Variants in CALHM5 observed in about 807,000 individuals in gnomAD.
CALHM5 encodes the protein calcium homeostasis modulator family member 5.
In CALHM5, 17 loss-of-function variants were observed where a neutral mutation model predicts 20.9. That is an observed-to-expected ratio of 0.82 (90% CI 0.56 to 1.22). The LOEUF (loss-of-function observed/expected upper bound fraction) is 1.22, where lower values mean the gene tolerates loss of function less well. Ranked by LOEUF, CALHM5 falls within the 50% of genes most tolerant of loss-of-function variation. The pLI, the probability that CALHM5 is intolerant of heterozygous loss-of-function variation, is 0.00. For missense variants in CALHM5, 360 were observed against 364.6 expected (o/e 0.99, Z 0.10); for synonymous variants, 148 against 140.0 (o/e 1.06, Z -0.40).
At chr6:116,512,401 G>A in intron 1 of CALHM5, 165 bp downstream of exon 1, 1 of 761,242 alleles carries the variant, frequency 1.3e-6, no homozygotes, top group South Asian at 2.2e-5. Flanking sequence ...GCTTTTGAAA[G>A]GCTGGGTGGC....
Position 116,515,866 on chromosome 6 carries a change from T to C in CALHM5, c.807T>C (p.His269=), listed in dbSNP as rs1192310191. Residue 269 remains histidine, a synonymous_variant, in exon 2 of 2, where the codon CAT becomes CAC. Transcript: ENST00000368599. The part of the protein sequence containing the change: ...FAAWEAASEL[H]SFHQSQQHYS... ...CCTGGGAGGCTGCTTCAGAGCTGCA[T>C]TCTTTCCACCAAAGCCAGCAACACT... 1 of 1,613,872 alleles carries C rather than the reference T, an allele frequency of 6.2e-7. No individual in the cohort carries two copies. The highest frequency in any genetic ancestry group is 1.3e-5 in the African/African-American group (1 of 74,904).
At position 116,523,347 on chromosome 6, in the gene CALHM5, G is replaced by T. The variant is rs1417552811; in HGVS notation, c.*7358G>T. Reference sequence around the variant, plus strand: ...TACATGTTTCTTGTAAACTCTATTTGTAGGTGTTTTCTTTGTTCCTGTTGT... The same window carrying T: ...TACATGTTTCTTGTAAACTCTATTTTTAGGTGTTTTCTTTGTTCCTGTTGT... On this transcript the variant is annotated 3_prime_UTR_variant, in exon 2 of 2. Coordinates refer to ENST00000368599, the MANE Select transcript of CALHM5 (RefSeq NM_153711.5). The T allele has an allele frequency of 1.3e-5, 2 of 152,122 alleles. No individual in the cohort carries two copies. The highest frequency in any genetic ancestry group is 2.9e-5 in the Non-Finnish European group (2 of 68,014). 9.4% of individuals were successfully genotyped at this position (152,122 alleles called of 1,614,324 possible). A position where few individuals can be genotyped will look rare whatever the true frequency, so the allele number is the denominator to read the frequency against.
chr6:116,516,157 G>A lies in CALHM5; in HGVS notation c.*168G>A. The A allele has an allele frequency of 2.4e-6, 2 of 848,974 alleles. No individual in the cohort carries two copies. The highest frequency in any genetic ancestry group is 3.7e-4 in the Middle Eastern group (1 of 2,672). 52.6% of individuals were successfully genotyped at this position (848,974 alleles called of 1,614,324 possible). A position where few individuals can be genotyped will look rare whatever the true frequency, so the allele number is the denominator to read the frequency against. ...TTGAAGCTCTCAAGTGGAACATCAGGATGTGCTCAAATTGATGCTGAGGGG... is the reference window on the plus strand; with the variant it reads ...TTGAAGCTCTCAAGTGGAACATCAGAATGTGCTCAAATTGATGCTGAGGGG... On this transcript the variant is annotated 3_prime_UTR_variant, in exon 2 of 2. Transcript: ENST00000368599.
At position 116,519,524 on chromosome 6, in the gene CALHM5, G is replaced by GCA. The variant is rs1364104020; in HGVS notation, c.*3537_*3538dup. On this transcript the variant is annotated 3_prime_UTR_variant, in exon 2 of 2. Transcript: ENST00000368599. Reference sequence around the variant, plus strand: ...CCCTGGATTTGAATATCTAGAGAGGGCACCCAATGGTCATACTAATGTTTG... The same window carrying GCA: ...CCCTGGATTTGAATATCTAGAGAGGGCACACCCAATGGTCATACTAATGTTTG... 1.3e-5 allele frequency: 2 copies of GCA among 152,182 alleles called. No homozygotes were observed. Among genetic ancestry groups the GCA allele is most frequent in the African/African-American group, 4.8e-5 (2 of 41,414 alleles). 9.4% of individuals were successfully genotyped at this position (152,182 alleles called of 1,614,324 possible).
At chr6:116,515,512 T>C (rs1295915318) in intron 1 of CALHM5, 88 bp from the exon 2 acceptor site, 3 of 1,344,010 alleles carry the variant, frequency 2.2e-6, no homozygotes, top group Non-Finnish European at 3.1e-6. Flanking sequence ...ACTGTGGTAA[T>C]AATTTAGCTA....
rs9400930 is a variant in CALHM5, at chr6:116,522,140, C to T, written c.*6151C>T. On this transcript the variant is annotated 3_prime_UTR_variant, in exon 2 of 2. Transcript: ENST00000368599. ...TTAAACATTCAGGCCCCAGTGTACA[C>T]GACATGGAGAAGAACCAGGAAGTCC... 0.17 allele frequency: 26,079 copies of T among 152,162 alleles called. 2,353 individuals carry two copies. Among genetic ancestry groups the T allele is most frequent in the East Asian group, 0.35 (1,795 of 5,160 alleles). The allele number at this position is 152,162 out of a possible 1,614,324, so 9.4% of individuals were successfully genotyped here.
At chr6:116,513,993 T>C (rs776383605) in intron 1 of CALHM5, among the ~76,000 whole-genome samples, 23 of 152,122 alleles carry the variant, frequency 1.5e-4, no homozygotes, top group Non-Finnish European at 3.1e-4. Flanking sequence ...TGTCGGAAGA[T>C]TTAGAGATGA....
At chr6:116,512,883 TG>T (rs1453457016) in intron 1 of CALHM5, among the ~76,000 whole-genome samples, 4 of 152,222 alleles carry the variant, frequency 2.6e-5, no homozygotes, top group Admixed American at 6.5e-5. Context: ...CTCTTTGTGC[TG>T]TACAGCTAAA....
At position 116,524,002 on chromosome 6, in the gene CALHM5, G is replaced by A. The variant is rs1272664132; in HGVS notation, c.*8013G>A. The A allele has an allele frequency of 6.6e-6, 1 of 152,168 alleles. No individual in the cohort carries two copies. Among genetic ancestry groups the A allele is most frequent in the Non-Finnish European group, 1.5e-5 (1 of 68,028 alleles). The allele number at this position is 152,168 out of a possible 1,614,324, so 9.4% of individuals were successfully genotyped here. The stretch of plus-strand genomic sequence containing the variant: ...AACAAGATATCTTTGAGATATTTAG[G>A]AAAATATGAATGAATATTAGATGAT... On this transcript the variant is annotated 3_prime_UTR_variant, in exon 2 of 2. Coordinates refer to ENST00000368599, the MANE Select transcript of CALHM5 (RefSeq NM_153711.5).
At position 116,514,476 on chromosome 6, in the gene CALHM5, G is replaced by T. The variant is rs186105522; in HGVS notation, c.541-1124G>T. Among the ~76,000 whole-genome samples the T allele has an allele frequency of 3.2e-3, 491 of 152,296 alleles. 12 individuals are homozygous for T. Among genetic ancestry groups the T allele is most frequent in the Admixed American group, 0.022 (344 of 15,300 alleles). ...GTGTATATATATTTGAAGAATAGCA[G>T]CATATAATATTAGCTAAAACTTAAT... On this transcript the variant is annotated intron_variant, in intron 1 of 1. Transcript: ENST00000368599.
intron 1 of CALHM5, among the ~76,000 whole-genome samples, chr6:116,514,710 G>T (rs939176350): frequency 2.0e-5 from 3 of 152,190 alleles, no homozygotes; most frequent in African/African-American, 7.2e-5. Context: ...TGAGTCAAAG[G>T]TTGGGAACCA....
In CALHM5 at chr6:116,520,284, T is replaced by G. The variant is rs931855246; in HGVS notation, c.*4295T>G. On this transcript the variant is annotated 3_prime_UTR_variant, in exon 2 of 2. Transcript: ENST00000368599. ...TGATATATTTCAAGTACTTCAACTA[T>G]TAACTATATTATTCTATTTAGACTT... 12 of 152,180 alleles carry G rather than the reference T, an allele frequency of 7.9e-5. No homozygotes were observed. The highest frequency in any genetic ancestry group is 2.9e-4 in the African/African-American group (12 of 41,464). The allele number at this position is 152,180 out of a possible 1,614,324, so 9.4% of individuals were successfully genotyped here.
At position 116,519,549 on chromosome 6, in the gene CALHM5, G is replaced by A. The variant is rs1772292434; in HGVS notation, c.*3560G>A. On this transcript the variant is annotated 3_prime_UTR_variant, in exon 2 of 2. Coordinates refer to ENST00000368599, the MANE Select transcript of CALHM5 (RefSeq NM_153711.5). ...GCACCCAATGGTCATACTAATGTTT[G>A]CCATAACAGTCTCTTCTAGGTCTAG... 1 of 152,168 alleles carries A rather than the reference G, an allele frequency of 6.6e-6. No individual in the cohort carries two copies. The highest frequency in any genetic ancestry group is 6.5e-5 in the Admixed American group (1 of 15,270). The allele number at this position is 152,168 out of a possible 1,614,324, so 9.4% of individuals were successfully genotyped here. A position where few individuals can be genotyped will look rare whatever the true frequency, so the allele number is the denominator to read the frequency against.
rs564758256 is a variant in CALHM5 at position 116,521,381 on chromosome 6, T to C, written c.*5392T>C. On this transcript the variant is annotated 3_prime_UTR_variant, in exon 2 of 2. Coordinates refer to ENST00000368599, the MANE Select transcript of CALHM5 (RefSeq NM_153711.5). ...AGGGCCTGAGAACCAGGGGAGTTGA[T>C]GGTACAAATCCCAGAGCCAAAGGCA... The C allele has an allele frequency of 6.6e-6, 1 of 152,162 alleles. No homozygotes were observed. The highest frequency in any genetic ancestry group is 1.9e-4 in the East Asian group (1 of 5,170). 9.4% of individuals were successfully genotyped at this position (152,162 alleles called of 1,614,324 possible).
At position 116,517,161 on chromosome 6, in the gene CALHM5, T is replaced by G. The variant is rs1186857710; in HGVS notation, c.*1172T>G. On this transcript the variant is annotated 3_prime_UTR_variant, in exon 2 of 2. Coordinates refer to ENST00000368599, the MANE Select transcript of CALHM5 (RefSeq NM_153711.5). ...TCCACCTTCATGACCCAATTACTTCTCAAGGCTCTGCTTCTTAGTACTATC... is the reference window on the plus strand; with the variant it reads ...TCCACCTTCATGACCCAATTACTTCGCAAGGCTCTGCTTCTTAGTACTATC... 2 of 152,118 alleles carry G rather than the reference T, an allele frequency of 1.3e-5. No individual in the cohort carries two copies. Among genetic ancestry groups the G allele is most frequent in the Non-Finnish European group, 2.9e-5 (2 of 68,044 alleles). 9.4% of individuals were successfully genotyped at this position (152,118 alleles called of 1,614,324 possible).
chr6:116,515,084 A>G (rs935967546), intron 1 of CALHM5, among the ~76,000 whole-genome samples: 1 of 152,196 alleles, frequency 6.6e-6, no homozygotes, highest in Non-Finnish European at 1.5e-5. Context: ...CTCAGCCTTT[A>G]AATTCTTATA....
rs1772135464 is a variant in CALHM5, at chr6:116,512,165, T to C, written c.469T>C (p.Ser157Pro). 4 of 1,612,592 alleles carry C rather than the reference T, an allele frequency of 2.5e-6. No homozygotes were observed. The highest frequency in any genetic ancestry group is 1.3e-5 in the African/African-American group (1 of 74,892). ...KECWEELHKV[S>P]CGKTSMLPTV... is the part of the protein sequence containing the mutation. ...GTGCTGGGAAGAACTTCACAAAGTATCTTGTGGCAAAACTAGCATGCTACC... is the reference window on the plus strand; with the variant it reads ...GTGCTGGGAAGAACTTCACAAAGTACCTTGTGGCAAAACTAGCATGCTACC... The change falls in exon 1 of 2, where the codon TCT becomes CCT. Residue 157 changes from serine (S) to proline (P), a missense_variant. Transcript: ENST00000368599.
rs938625287 is a variant in CALHM5, at chr6:116,519,476, A to C, written c.*3487A>C. Reference sequence around the variant, plus strand: ...AGGGTGATCCTCCAGAGGAGGTTACACTGCCGAACTGGGACATTGGCACCC... The same window carrying C: ...AGGGTGATCCTCCAGAGGAGGTTACCCTGCCGAACTGGGACATTGGCACCC... On this transcript the variant is annotated 3_prime_UTR_variant, in exon 2 of 2. Transcript: ENST00000368599. The C allele has an allele frequency of 4.6e-5, 7 of 152,222 alleles. No homozygotes were observed. Among genetic ancestry groups the C allele is most frequent in the African/African-American group, 1.7e-4 (7 of 41,458 alleles). The allele number at this position is 152,222 out of a possible 1,614,324, so 9.4% of individuals were successfully genotyped here. A position where few individuals can be genotyped will look rare whatever the true frequency, so the allele number is the denominator to read the frequency against.
intron 1 of CALHM5, among the ~76,000 whole-genome samples, chr6:116,512,696 T>C (rs186662039): frequency 7.0e-4 from 107 of 152,354 alleles, no homozygotes; most frequent in African/African-American, 2.5e-3. Context: ...CTTTTCAAAG[T>C]TGCATGTAAT....
Sources: gnomAD v4.1 joint callset for allele counts (sites outside exome capture counted in the v4.1 genomes callset) on GRCh38, gnomAD v4.1.1 for gene constraint, MANE v1.5 for transcripts, NCBI Gene and HGNC (gene_info 2026-07-23, HGNC 2026-07-21) for gene names.